The following TNPO1 variants were observed in gnomAD, a reference collection of about 807,000 sequenced individuals.
The protein encoded by TNPO1 is transportin 1.
In TNPO1, 8 loss-of-function variants were observed where a neutral mutation model predicts 119.5. The observed-to-expected ratio is 0.07, with a 90% CI of 0.04 to 0.12. The LOEUF (loss-of-function observed/expected upper bound fraction) is 0.12. TNPO1 is among the 10% of genes least tolerant of loss of function. The pLI, the probability that TNPO1 is intolerant of heterozygous loss-of-function variation, is 1.00. For missense variants in TNPO1, 576 were observed against 1,089.8 expected (o/e 0.53, Z 6.64); for synonymous variants, 362 against 363.0 (o/e 1.00, Z 0.03).
intron 1 of TNPO1, among the ~76,000 whole-genome samples, chr5:72,818,961 G>A (rs1743823471): frequency 6.6e-6 from 1 of 152,182 alleles, no homozygotes; most frequent in South Asian, 2.1e-4. Context: ...GGAGTCTTCT[G>A]GGTTGTACAA....
At chr5:72,891,035 A>G (rs1009991744) in intron 14 of TNPO1, among the ~76,000 whole-genome samples, 3 of 152,146 alleles carry the variant, frequency 2.0e-5, no homozygotes, top group African/African-American at 7.2e-5. Context: ...TTGTAGAGAT[A>G]GTTTTGCCAT....
intron 2 of TNPO1, among the ~76,000 whole-genome samples, chr5:72,849,497 T>G (rs899392555): frequency 2.6e-5 from 4 of 152,236 alleles, no homozygotes; most frequent in Admixed American, 2.0e-4. Context: ...GTAAGTAAGC[T>G]CTTCGTGTTT....
chr5:72,821,062 C>T lies in TNPO1; in HGVS notation c.15+4310C>T, dbSNP rs143615548. ...CCGTAAGTGCTAAAATTGAAATATA[C>T]GTTTAGTAAAACTCCTGGTAAAGTA... is the stretch of plus-strand genomic sequence containing the variant. On this transcript the variant is annotated intron_variant, in intron 1 of 24. Coordinates refer to ENST00000337273, the MANE Select transcript of TNPO1 (RefSeq NM_002270.4). Among the ~76,000 whole-genome samples, 3 of 152,134 alleles carry T rather than the reference C, an allele frequency of 2.0e-5. No homozygotes were observed. The East Asian group carries it at 5.8e-4, about 29-fold the overall frequency.
chr5:72,870,811 G>T (rs541070389), intron 6 of TNPO1, among the ~76,000 whole-genome samples: 1 of 152,178 alleles, frequency 6.6e-6, no homozygotes, highest in South Asian at 2.1e-4. Flanking sequence ...AAAAATGCAA[G>T]TTAAAAGATT....
intron 7 of TNPO1, 122 bp downstream of exon 7, chr5:72,872,842 ATTTAATTAAAT>A (rs1747505987): frequency 1.9e-6 from 1 of 528,416 alleles, no homozygotes; most frequent in Admixed American, 3.9e-5. Context: ...TAAACTCAAT[ATTTAATTAAAT>A]TATTTCTGAT....
In TNPO1 at chr5:72,851,208, A is replaced by G. The variant is rs777900042; in HGVS notation, c.130-36A>G. ...AAATGCTTAATTTCTTCCTGAGATT[A>G]CACAGAGAAGTTTCCTTAACTACTG... On this transcript the variant is annotated intron_variant, in intron 2 of 24. Coordinates refer to ENST00000337273, the MANE Select transcript of TNPO1 (RefSeq NM_002270.4). The G allele has an allele frequency of 1.1e-5, 14 of 1,261,936 alleles. No homozygotes were observed. The Admixed American group carries it at 2.6e-4, about 23-fold the overall frequency. 78.2% of individuals were successfully genotyped at this position (1,261,936 alleles called of 1,614,324 possible). A position where few individuals can be genotyped will look rare whatever the true frequency, so the allele number is the denominator to read the frequency against.
At chr5:72,836,607 G>A (rs2112205403) in intron 1 of TNPO1, among the ~76,000 whole-genome samples, 1 of 152,306 alleles carries the variant, frequency 6.6e-6, no homozygotes, top group East Asian at 1.9e-4. Context: ...TTGATGAATA[G>A]CACCTAGCTT....
At chr5:72,906,707 C>G (rs1409682754) in intron 24 of TNPO1, among the ~76,000 whole-genome samples, 1 of 152,132 alleles carries the variant, frequency 6.6e-6, no homozygotes, top group Non-Finnish European at 1.5e-5. Context: ...ACTAGCAGTT[C>G]TCATCTCTGA....
intron 1 of TNPO1, among the ~76,000 whole-genome samples, chr5:72,817,308 C>G (rs1374275086): frequency 6.6e-6 from 1 of 152,202 alleles, no homozygotes; most frequent in Non-Finnish European, 1.5e-5. Context: ...CTCTTGGCCT[C>G]ACGACATGTT....
chr5:72,889,015 C>T (rs546213112), intron 13 of TNPO1, among the ~76,000 whole-genome samples: 1 of 152,028 alleles, frequency 6.6e-6, no homozygotes, highest in South Asian at 2.1e-4. Context: ...TACCATTGAC[C>T]TTGATAGTAG....
At chr5:72,901,299 A>G (rs909163738) in intron 22 of TNPO1, among the ~76,000 whole-genome samples, 29 of 152,022 alleles carry the variant, frequency 1.9e-4, no homozygotes, top group African/African-American at 6.8e-4. Flanking sequence ...TTGGGACAAC[A>G]AGGTTATATT....
intron 23 of TNPO1, among the ~76,000 whole-genome samples, chr5:72,904,822 C>T (rs936028414): frequency 6.6e-6 from 1 of 152,032 alleles, no homozygotes; most frequent in Non-Finnish European, 1.5e-5. Context: ...AAAGATATGC[C>T]CAAGACTGGG....
intron 3 of TNPO1, among the ~76,000 whole-genome samples, chr5:72,852,923 G>A (rs1403800755): frequency 3.3e-5 from 5 of 152,114 alleles, no homozygotes; most frequent in Non-Finnish European, 7.3e-5. Flanking sequence ...TTTTCTGACA[G>A]TTTGTGATCA....
At chr5:72,852,803 A>G (rs1204726034) in intron 3 of TNPO1, among the ~76,000 whole-genome samples, 2 of 152,236 alleles carry the variant, frequency 1.3e-5, no homozygotes, top group Admixed American at 6.5e-5. Context: ...TGAAGGACAC[A>G]ATAGAAAATT....
intron 1 of TNPO1, 81 bp downstream of exon 1, chr5:72,816,833 A>G: frequency 2.0e-6 from 3 of 1,474,096 alleles, no homozygotes; most frequent in South Asian, 2.5e-5. Context: ...TGACGCGCCT[A>G]CGGGAGAGAC....
intron 22 of TNPO1, 131 bp downstream of exon 22, chr5:72,901,204 T>C: frequency 1.8e-6 from 1 of 556,610 alleles, no homozygotes; most frequent in East Asian, 3.3e-5. Context: ...ACCTTTAAAA[T>C]GTATATTTCT....
In TNPO1 at chr5:72,865,738, A is replaced by G. The variant is rs367748637; in HGVS notation, c.596+9A>G. 2.6e-4 allele frequency: 424 copies of G among 1,612,102 alleles called. 1 individual carries two copies. Among genetic ancestry groups the G allele is most frequent in the Non-Finnish European group, 3.0e-4 (353 of 1,179,172 alleles). ...AGTAGTCCAAAAATAAGGTACTTAT[A>G]TTGCCAGTACTAATTGATTAACTGT... is the stretch of plus-strand genomic sequence containing the variant. On this transcript the variant is annotated intron_variant, in intron 6 of 24. Transcript: ENST00000337273.
intron 6 of TNPO1, among the ~76,000 whole-genome samples, chr5:72,871,201 T>C (rs566044254): frequency 6.6e-6 from 1 of 152,258 alleles, no homozygotes; most frequent in East Asian, 1.9e-4. Context: ...GGTCTAGAAC[T>C]CCTGACCTCA....
At chr5:72,858,049 G>A (rs1286499541) in intron 4 of TNPO1, among the ~76,000 whole-genome samples, 2 of 152,206 alleles carry the variant, frequency 1.3e-5, no homozygotes, top group African/African-American at 4.8e-5. Flanking sequence ...ATGTTAAGTA[G>A]ATACTTAAGT....
Sources: allele counts gnomAD v4.1 joint callset (sites outside exome capture counted in the v4.1 genomes callset), GRCh38; gene constraint gnomAD v4.1.1; transcripts MANE v1.5; gene names NCBI Gene and HGNC (gene_info 2026-07-23, HGNC 2026-07-21).